TRIM6: variants seen among roughly 807,000 people sequenced by gnomAD.
The protein encoded by TRIM6 is tripartite motif-containing protein 6.
Under a neutral mutation model 51.2 loss-of-function variants are expected in TRIM6, and 43 were observed. The observed-to-expected ratio is 0.84, with a 90% CI of 0.66 to 1.08. The LOEUF is 1.08. TRIM6 is among the 50% of genes least tolerant of loss of function. The pLI, the probability that TRIM6 is intolerant of heterozygous loss-of-function variation, is 0.00. For synonymous variants in TRIM6, 215 were observed against 232.4 expected, an observed-to-expected ratio of 0.93 and a Z score of 0.68; for missense variants, 669 against 619.0, an observed-to-expected ratio of 1.08 and a Z score of -0.86.
At chr11:5,601,336 T>G (rs1299127754) in intron 1 of TRIM6, among the ~76,000 whole-genome samples, 1 of 152,250 alleles carries the variant, frequency 6.6e-6, no homozygotes, top group Non-Finnish European at 1.5e-5. Context: ...TAAAGTCACT[T>G]AATGTCTCTT....
chr11:5,596,858 A>G lies in TRIM6; in HGVS notation c.-40A>G. ...CTCTGAAGAGCTTTGACCACCTGAT[A>G]TTGCTTACATCTGGAACTTCTTGGC... On this transcript the variant is annotated 5_prime_UTR_variant, in exon 1 of 8. It adds an upstream start codon to the 5' untranslated region. Coordinates refer to ENST00000380097, the MANE Select transcript of TRIM6 (RefSeq NM_001003818.3). 1 of 1,613,614 alleles carries G rather than the reference A, an allele frequency of 6.2e-7. No individual in the cohort carries two copies. The highest frequency in any genetic ancestry group is 8.5e-7 in the Non-Finnish European group (1 of 1,179,880).
Position 5,610,781 on chromosome 11 carries a change from C to G in TRIM6, c.990C>G (p.Asp330Glu). The G allele has an allele frequency of 6.2e-7, 1 of 1,613,848 alleles. No homozygotes were observed. The highest frequency in any genetic ancestry group is 8.5e-7 in the Non-Finnish European group (1 of 1,179,826). ...ELTDVQSYWV[D>E]VTLNPHTANL... is the part of the protein sequence containing the mutation. ...ATGTTGTACCTTTTCCTACAGTTGA[C>G]GTGACCCTGAATCCACACACAGCTA... Residue 330 changes from aspartate to glutamate, a missense_variant, in exon 8 of 8, where the codon GAC (aspartate) becomes GAG (glutamate). By Grantham distance (45) the Asp-to-Glu change is conservative. Transcript: ENST00000380097.
At chr11:5,598,168 C>T (rs1847593133) in intron 1 of TRIM6, among the ~76,000 whole-genome samples, 1 of 152,198 alleles carries the variant, frequency 6.6e-6, no homozygotes, top group Non-Finnish European at 1.5e-5. Flanking sequence ...AGCCCGTCCA[C>T]ACTGCTCTGG....
In TRIM6 at chr11:5,612,156, T is replaced by C. The variant is rs1164052450; in HGVS notation, c.*814T>C. On this transcript the variant is annotated 3_prime_UTR_variant, in exon 8 of 8. Coordinates refer to ENST00000380097, the MANE Select transcript of TRIM6 (RefSeq NM_001003818.3). ...TTGATAACGTATTGTTTAGATTTTG[T>C]TCTCATCTATGTTAATGAAAGAAAT... 6.6e-6 allele frequency: 1 copy of C among 152,252 alleles called. No individual in the cohort carries two copies. The highest frequency in any genetic ancestry group is 1.5e-5 in the Non-Finnish European group (1 of 68,050). 9.4% of individuals were successfully genotyped at this position (152,252 alleles called of 1,614,324 possible).
At position 5,611,175 on chromosome 11, in the gene TRIM6, G is replaced by T. The variant is rs758859902; in HGVS notation, c.1384G>T (p.Gly462Trp). 1.2e-6 allele frequency: 2 copies of T among 1,613,880 alleles called. No individual in the cohort carries two copies. Among genetic ancestry groups the T allele is most frequent in the African/African-American group, 2.7e-5 (2 of 74,876 alleles). The change falls in exon 8 of 8, where the codon GGG becomes TGG. Residue 462 changes from glycine to tryptophan, a missense_variant. Coordinates refer to ENST00000380097, the MANE Select transcript of TRIM6 (RefSeq NM_001003818.3). ...CATGACAGTGCCCCCTCGCCGTGTT[G>T]GGGTTTTCTTAGATTATGAGGCTGG... ...LSMTVPPRRVGVFLDYEAGTV... is the reference protein window; with the variant it reads ...LSMTVPPRRVWVFLDYEAGTV...
In TRIM6 at chr11:5,610,386, G is replaced by T. The variant is rs190134280; in HGVS notation, c.958+141G>T. The T allele has an allele frequency of 1.5e-5, 24 of 1,567,934 alleles. No individual in the cohort carries two copies. The African/African-American group carries it at 2.8e-4, about 18-fold the overall frequency. ...GGGAGGGACATAGTGTGCTGAAGAA[G>T]ATGCGGTTTGTATTTAAGGGGAGAT... On this transcript the variant is annotated intron_variant, in intron 6 of 7. Coordinates refer to ENST00000380097, the MANE Select transcript of TRIM6 (RefSeq NM_001003818.3).
rs767359845 is a variant in TRIM6, at chr11:5,603,340, CGAGAA to C, written c.116_120del (p.Glu39GlyfsTer59). On this transcript the variant is annotated frameshift_variant, in exon 2 of 8. Coordinates refer to ENST00000380097, the MANE Select transcript of TRIM6 (RefSeq NM_001003818.3). LOFTEE classifies it high-confidence loss of function. Reference sequence around the variant, plus strand: ...GACTTCACCAGTACTGGTGGACATACGAGAAGAGGTGACCTGCCCTATCTGCCTGG... The same window carrying C: ...GACTTCACCAGTACTGGTGGACATACGAGGTGACCTGCCCTATCTGCCTGG... 5.0e-5 allele frequency: 80 copies of C among 1,613,876 alleles called. No homozygotes were observed. The Admixed American group carries it at 1.3e-3, about 27-fold the overall frequency.
intron 1 of TRIM6, among the ~76,000 whole-genome samples, chr11:5,598,445 A>AT (rs751413570): frequency 1.3e-5 from 2 of 152,238 alleles, no homozygotes; most frequent in Non-Finnish European, 2.9e-5. Context: ...GGAAAAAGAC[A>AT]TATAATGAAC....
intron 1 of TRIM6, among the ~76,000 whole-genome samples, chr11:5,599,175 A>C (rs1214299370): frequency 6.6e-6 from 1 of 152,168 alleles, no homozygotes; most frequent in Non-Finnish European, 1.5e-5. Context: ...GATACACCAC[A>C]GTTTGTTCAT....
intron 1 of TRIM6, among the ~76,000 whole-genome samples, chr11:5,603,032 A>G (rs930164507): frequency 1.3e-5 from 2 of 152,150 alleles, no homozygotes; most frequent in Non-Finnish European, 2.9e-5. Context: ...GTTTGTCTCT[A>G]TTCAATAGGA....
intron 2 of TRIM6, among the ~76,000 whole-genome samples, chr11:5,604,016 G>C (rs950236755): frequency 1.4e-4 from 22 of 152,142 alleles, no homozygotes; most frequent in African/African-American, 5.1e-4. Context: ...TTTATTTTGA[G>C]AAGGCGTCTC....
chr11:5,601,231 G>A (rs947609486), intron 1 of TRIM6, among the ~76,000 whole-genome samples: 1 of 152,114 alleles, frequency 6.6e-6, no homozygotes. Flanking sequence ...GACTGTCTTT[G>A]GTCAAAGTTA....
chr11:5,607,544 C>T (rs998140504), intron 4 of TRIM6, among the ~76,000 whole-genome samples: 1 of 152,018 alleles, frequency 6.6e-6, no homozygotes, highest in Non-Finnish European at 1.5e-5. Flanking sequence ...GATAAAAAGA[C>T]CAAATAGAAA....
At chr11:5,610,659 T>TC in intron 7 of TRIM6, 98 bp downstream of exon 7, 1 of 1,543,684 alleles carries the variant, frequency 6.5e-7, no homozygotes, top group Admixed American at 1.9e-5. Flanking sequence ...TGTTGATGCC[T>TC]CCCCCATCCC....
chr11:5,601,033 T>C (rs761090202), intron 1 of TRIM6, among the ~76,000 whole-genome samples: 2 of 152,244 alleles, frequency 1.3e-5, no homozygotes, highest in Non-Finnish European at 2.9e-5. Flanking sequence ...ATAAAGGTCA[T>C]ATTTCTCAAT....
chr11:5,608,302 A>G, intron 4 of TRIM6, 70 bp from the exon 5 acceptor site: 1 of 1,601,808 alleles, frequency 6.2e-7, no homozygotes, highest in Non-Finnish European at 8.5e-7. Flanking sequence ...GGTAGGGGAC[A>G]TGGAAGGAGA....
chr11:5,610,024 T>C, intron 5 of TRIM6, 121 bp from the exon 6 acceptor site: 2 of 977,886 alleles, frequency 2.0e-6, no homozygotes, highest in Non-Finnish European at 3.1e-6. Context: ...TGCAGAATGA[T>C]GCTAAGTGTA....
At chr11:5,608,317 T>C (rs1848345296) in intron 4 of TRIM6, 55 bp from the exon 5 acceptor site, 2 of 1,608,334 alleles carry the variant, frequency 1.2e-6, no homozygotes, top group South Asian at 1.1e-5. Flanking sequence ...AGGAGAAATG[T>C]GGATAAGGGC....
rs768911345 is a variant in TRIM6 at position 5,605,359 on chromosome 11, G to T, written c.626G>T (p.Cys209Phe). ...SWKNQMEPERCRIQTEFNQLR... is the reference protein window; with the variant it reads ...SWKNQMEPERFRIQTEFNQLR... The stretch of plus-strand genomic sequence containing the variant: ...AAGAATCAGATGGAGCCTGAGAGAT[G>T]CAGGATCCAGACAGAGTTTAATCAG... The change falls in exon 4 of 8, where the codon TGC becomes TTC. Residue 209 changes from cysteine (C) to phenylalanine (F), a missense_variant. Cys to Phe is a radical substitution (Grantham distance 205). Coordinates refer to ENST00000380097, the MANE Select transcript of TRIM6 (RefSeq NM_001003818.3). 3.1e-6 allele frequency: 5 copies of T among 1,614,054 alleles called. No individual in the cohort carries two copies. In the African/African-American group the frequency reaches 6.7e-5, roughly 22 times the overall value.
Sources: gnomAD v4.1 joint callset for allele counts (sites outside exome capture counted in the v4.1 genomes callset) on GRCh38, gnomAD v4.1.1 for gene constraint, MANE v1.5 for transcripts, NCBI Gene and HGNC (gene_info 2026-07-23, HGNC 2026-07-21) for gene names.